Variants in KIF15 observed in about 807,000 individuals in gnomAD.
The protein encoded by KIF15 is kinesin-like protein KIF15.
Under a neutral mutation model 190.6 loss-of-function variants are expected in KIF15, and 140 were observed. The ratio of observed to expected loss-of-function variants is 0.73; its 90% confidence interval spans 0.64 to 0.84. The LOEUF (loss-of-function observed/expected upper bound fraction) is 0.84. Among genes scored for constraint, KIF15 ranks in the 40% least tolerant of loss-of-function variants. The pLI is 0.00. For synonymous variants in KIF15, 528 were observed against 551.3 expected, an observed-to-expected ratio of 0.96 and a Z score of 0.59; for missense variants, 1,372 against 1,584.4, an observed-to-expected ratio of 0.87 and a Z score of 2.28.
intron 24 of KIF15, among the ~76,000 whole-genome samples, chr3:44,829,469 T>C (rs1452379666): frequency 7.4e-6 from 1 of 134,666 alleles, no homozygotes; most frequent in African/African-American, 3.0e-5. Flanking sequence ...AATATATATG[T>C]ATATAATATG....
At chr3:44,802,072 T>C in intron 13 of KIF15, 98 bp downstream of exon 13, 1 of 788,620 alleles carries the variant, frequency 1.3e-6, no homozygotes, top group Non-Finnish European at 2.0e-6. Context: ...CAATGGAAAT[T>C]GTTTTAAGTG....
rs1270714105 is a variant in KIF15, at chr3:44,828,156, T to C, written c.2857-58T>C. On this transcript the variant is annotated intron_variant, in intron 23 of 34. Coordinates refer to ENST00000326047, the MANE Select transcript of KIF15 (RefSeq NM_020242.3). ...GCTGCTTTCAACTTGTTTATCTGTG[T>C]GTATGGTTAACTTTGCGATTTAATT... 4.2e-6 allele frequency: 5 copies of C among 1,185,928 alleles called. No homozygotes were observed. In the African/African-American group the frequency reaches 7.6e-5, roughly 18 times the overall value. 73.5% of individuals were successfully genotyped at this position (1,185,928 alleles called of 1,614,324 possible). A position where few individuals can be genotyped will look rare whatever the true frequency, so the allele number is the denominator to read the frequency against.
chr3:44,797,866 A>T lies in KIF15; in HGVS notation c.1008A>T (p.Ile336=). 6.2e-7 allele frequency: 1 copy of T among 1,613,830 alleles called. No individual in the cohort carries two copies. Among genetic ancestry groups the T allele is most frequent in the East Asian group, 2.2e-5 (1 of 44,882 alleles). The change falls in exon 10 of 35, where the codon ATA becomes ATT. Residue 336 remains isoleucine, a synonymous_variant. Transcript: ENST00000326047. ...DSLGGNAKTA[I]IANVHPGSRC... is the part of the protein sequence containing the mutation. ...TTGGAGGTAATGCCAAAACAGCCAT[A>T]ATTGCAAATGTTCATCCTGGATCCA... is the stretch of plus-strand genomic sequence containing the variant.
intron 1 of KIF15, among the ~76,000 whole-genome samples, chr3:44,769,495 C>T (rs1013392014): frequency 2.6e-5 from 4 of 152,212 alleles, no homozygotes; most frequent in African/African-American, 7.2e-5. Flanking sequence ...CACGTACGCC[C>T]TATCTCCCCT....
At chr3:44,799,416 T>C (rs1328895529) in intron 10 of KIF15, 1 of 444,976 alleles carries the variant, frequency 2.2e-6, no homozygotes, top group Non-Finnish European at 4.5e-6. Flanking sequence ...ACCTTGGGGC[T>C]GTCACAGGGT....
intron 30 of KIF15, among the ~76,000 whole-genome samples, chr3:44,843,818 A>AT (rs1378239640): frequency 1.3e-5 from 2 of 152,128 alleles, no homozygotes; most frequent in Non-Finnish European, 2.9e-5. Context: ...TTTTCAACAT[A>AT]TTTTTTACCC....
Position 44,775,352 on chromosome 3 carries a change from T to C in KIF15, c.161T>C (p.Leu54Pro). 4 of 1,614,102 alleles carry C rather than the reference T, an allele frequency of 2.5e-6. No homozygotes were observed. Among genetic ancestry groups the C allele is most frequent in the Non-Finnish European group, 3.4e-6 (4 of 1,179,990 alleles). Reference sequence around the variant, plus strand: ...GAGCAGAACTTATGCTTATCTGTGCTGTCCTCCACGAGTCTCCGGCTGCAC... The same window carrying C: ...GAGCAGAACTTATGCTTATCTGTGCCGTCCTCCACGAGTCTCCGGCTGCAC... ...DGEQNLCLSVLSSTSLRLHSN... is the reference protein window; with the variant it reads ...DGEQNLCLSVPSSTSLRLHSN... The change falls in exon 3 of 35, where the codon CTG (leucine) becomes CCG (proline). Residue 54 changes from leucine (L) to proline (P), a missense_variant. Leu to Pro is a moderately conservative substitution (Grantham distance 98, BLOSUM62 -3). Transcript: ENST00000326047.
intron 1 of KIF15, among the ~76,000 whole-genome samples, chr3:44,763,631 C>T (rs1705252127): frequency 6.6e-6 from 1 of 151,860 alleles, no homozygotes; most frequent in South Asian, 2.1e-4. Flanking sequence ...ACATCATTGA[C>T]ACCATGAGTT....
At chr3:44,858,725 T>G (rs1017385614) in intron 6 of KIF15, among the ~76,000 whole-genome samples, 1 of 151,578 alleles carries the variant, frequency 6.6e-6, no homozygotes. Flanking sequence ...GGCACCAGAG[T>G]TGGGGAGTTT....
intron 22 of KIF15, chr3:44,826,916 G>A (rs1274829744): frequency 7.1e-6 from 3 of 422,468 alleles, no homozygotes; most frequent in African/African-American, 6.1e-5. Flanking sequence ...TCACTAGGCT[G>A]AGAGTCACTC....
chr3:44,784,860 A>T lies in KIF15; in HGVS notation c.377A>T (p.Asp126Val). Reference sequence around the variant, plus strand: ...ATTTTTTTAGGACCATCTGAATCTGATAATTTTTCTCATAACCTGAGAGGA... The same window carrying T: ...ATTTTTTTAGGACCATCTGAATCTGTTAATTTTTCTCATAACCTGAGAGGA... Reference protein sequence around the residue: ...TFTMMGPSESDNFSHNLRGVI... With the variant: ...TFTMMGPSESVNFSHNLRGVI... The change falls in exon 6 of 35, where the codon GAT (aspartate) becomes GTT (valine). Residue 126 changes from aspartate to valine, a missense_variant. Transcript: ENST00000326047. 2 of 1,538,766 alleles carry T rather than the reference A, an allele frequency of 1.3e-6. No individual in the cohort carries two copies. The highest frequency in any genetic ancestry group is 1.4e-5 in the African/African-American group (1 of 71,882).
chr3:44,837,952 G>T (rs972337941), intron 26 of KIF15, among the ~76,000 whole-genome samples: 2 of 152,138 alleles, frequency 1.3e-5, no homozygotes, highest in Admixed American at 1.3e-4. Flanking sequence ...GTAACCAAGA[G>T]ACCTTTGAGT....
At chr3:44,816,468 C>A (rs945855879) in intron 20 of KIF15, among the ~76,000 whole-genome samples, 1 of 151,402 alleles carries the variant, frequency 6.6e-6, no homozygotes, top group East Asian at 1.9e-4. Context: ...TCAGTTCCCA[C>A]CTATGAGTGA....
chr3:44,857,325 A>G (rs1057295101), downstream of KIF15, among the ~76,000 whole-genome samples: 10 of 152,210 alleles, frequency 6.6e-5, no homozygotes, highest in African/African-American at 2.4e-4. Context: ...GAACTGTAGA[A>G]AGTGAGTTGA....
At chr3:44,818,525 G>T (rs1258502859) in intron 20 of KIF15, among the ~76,000 whole-genome samples, 1 of 152,168 alleles carries the variant, frequency 6.6e-6, no homozygotes, top group East Asian at 1.9e-4. Context: ...CATTGGTTCT[G>T]TTTATGTGAT....
intron 14 of KIF15, 146 bp downstream of exon 14, chr3:44,803,137 A>G (rs1290039591): frequency 8.9e-6 from 5 of 564,356 alleles, no homozygotes; most frequent in Non-Finnish European, 1.4e-5. Flanking sequence ...ATATTATAGA[A>G]AGGTATTTAC....
Position 44,852,897 on chromosome 3 carries a change from C to A in KIF15, c.*162C>A. ...CCACCTCAAGTTTCTGATGAACATT[C>A]TGCATCCATATACACCCTGTGACAG... On this transcript the variant is annotated 3_prime_UTR_variant, in exon 35 of 35. Coordinates refer to ENST00000326047, the MANE Select transcript of KIF15 (RefSeq NM_020242.3). 1.8e-6 allele frequency: 1 copy of A among 552,200 alleles called. No homozygotes were observed. Among genetic ancestry groups the A allele is most frequent in the Non-Finnish European group, 3.1e-6 (1 of 321,268 alleles). The allele number at this position is 552,200 out of a possible 1,614,324, so 34.2% of individuals were successfully genotyped here. A position where few individuals can be genotyped will look rare whatever the true frequency, so the allele number is the denominator to read the frequency against.
intron 4 of KIF15, among the ~76,000 whole-genome samples, chr3:44,780,482 C>T (rs1281465052): frequency 6.6e-6 from 1 of 152,114 alleles, no homozygotes; most frequent in Non-Finnish European, 1.5e-5. Flanking sequence ...CTGCAAGATG[C>T]TATATGATCC....
At chr3:44,806,464 A>C (rs1354105555) in intron 16 of KIF15, among the ~76,000 whole-genome samples, 2 of 152,168 alleles carry the variant, frequency 1.3e-5, no homozygotes, top group East Asian at 3.9e-4. Context: ...TGGAAATAAC[A>C]TGAGAGGGTT....
Sources: allele counts gnomAD v4.1 joint callset (sites outside exome capture counted in the v4.1 genomes callset), GRCh38; gene constraint gnomAD v4.1.1; transcripts MANE v1.5; gene names NCBI Gene and HGNC (gene_info 2026-07-23, HGNC 2026-07-21).